Variants in LEPR observed in about 807,000 individuals in gnomAD.
LEPR encodes OB receptor.
In LEPR, 56 loss-of-function variants were observed where a neutral mutation model predicts 114.7. The observed-to-expected ratio is 0.49, with a 90% CI of 0.39 to 0.61. LEPR has a LOEUF of 0.61. LEPR is among the 20% of genes least tolerant of loss of function. The pLI is 0.00. For missense variants in LEPR, 1,202 were observed against 1,352.9 expected, an observed-to-expected ratio of 0.89 and a Z score of 1.75; for synonymous variants, 443 against 461.4, an observed-to-expected ratio of 0.96 and a Z score of 0.51.
intron 2 of LEPR, among the ~76,000 whole-genome samples, chr1:65,453,899 A>G (rs1646826935): frequency 6.6e-6 from 1 of 151,144 alleles, no homozygotes; most frequent in African/African-American, 2.4e-5. Flanking sequence ...GTCTCCCATT[A>G]TTATTGTGTG....
chr1:65,444,142 A>G (rs949268557), intron 2 of LEPR, among the ~76,000 whole-genome samples: 1 of 100,464 alleles, frequency 1.0e-5, no homozygotes, highest in Non-Finnish European at 2.0e-5. Flanking sequence ...AGAGTGTGAT[A>G]TTCCCCTTCC....
intron 2 of LEPR, among the ~76,000 whole-genome samples, chr1:65,554,176 C>T (rs1446501050): frequency 2.0e-5 from 3 of 152,168 alleles, no homozygotes; most frequent in African/African-American, 4.8e-5. Flanking sequence ...AGTCAAGAGG[C>T]AGGGTGGTTA....
At chr1:65,589,910 T>C (rs1167350183) in intron 5 of LEPR, among the ~76,000 whole-genome samples, 1 of 152,082 alleles carries the variant, frequency 6.6e-6, no homozygotes, top group Non-Finnish European at 1.5e-5. Flanking sequence ...CTAGATTCTT[T>C]GCATTTCCAT....
chr1:65,616,908 T>C (rs542624145), intron 15 of LEPR, among the ~76,000 whole-genome samples: 1 of 152,298 alleles, frequency 6.6e-6, no homozygotes, highest in African/African-American at 2.4e-5. Context: ...AATCTTTGCT[T>C]ATTGCTTTAA....
chr1:65,623,108 T>A, intron 19 of LEPR, 127 bp downstream of exon 19: 1 of 909,700 alleles, frequency 1.1e-6, no homozygotes, highest in Non-Finnish European at 1.7e-6. Flanking sequence ...TCTTAATATA[T>A]CTGTTATTAT....
intron 2 of LEPR, among the ~76,000 whole-genome samples, chr1:65,531,946 TA>T (rs796788781): frequency 1.3e-5 from 2 of 152,310 alleles, no homozygotes; most frequent in African/African-American, 4.8e-5. Context: ...TCAACTTTAT[TA>T]GATAATGAAT....
chr1:65,590,135 C>T (rs372246019), intron 5 of LEPR, among the ~76,000 whole-genome samples: 5 of 151,852 alleles, frequency 3.3e-5, no homozygotes, highest in African/African-American at 1.2e-4. Flanking sequence ...AGATCCTAAA[C>T]ATCTTTTGTC....
At chr1:65,425,479 C>G (rs1303132914) in intron 2 of LEPR, 101 bp downstream of exon 2, 52 of 983,672 alleles carry the variant, frequency 5.3e-5, no homozygotes, top group Non-Finnish European at 5.9e-6. Context: ...AAGTTCTAAC[C>G]AGTGAGTTAG....
chr1:65,434,435 C>G, intron 2 of LEPR: 1 of 985,298 alleles, frequency 1.0e-6, no homozygotes, highest in Middle Eastern at 5.2e-4. Flanking sequence ...TGAAGGGATT[C>G]TTTATCATGT....
intron 2 of LEPR, among the ~76,000 whole-genome samples, chr1:65,456,986 A>T (rs1646885058): frequency 6.6e-6 from 1 of 151,814 alleles, no homozygotes; most frequent in South Asian, 2.1e-4. Flanking sequence ...GTATCTGTTT[A>T]TTTAAACATT....
chr1:65,566,202 T>C (rs908990655), intron 3 of LEPR, among the ~76,000 whole-genome samples: 1 of 74,456 alleles, frequency 1.3e-5, no homozygotes, highest in African/African-American at 4.7e-5. Flanking sequence ...AGATTAATTC[T>C]TTTTTTTTTT....
chr1:65,640,252 C>G lies in LEPR; in HGVS notation c.*3237C>G, dbSNP rs1167931933. On this transcript the variant is annotated 3_prime_UTR_variant, in exon 20 of 20. Transcript: ENST00000349533. ...CTCACAGGCGGAGTTGGACAATATG[C>G]TGATGGATCAAGACATACTGCAACC... The G allele has an allele frequency of 6.6e-6, 1 of 152,124 alleles. No homozygotes were observed. The highest frequency in any genetic ancestry group is 1.5e-5 in the Non-Finnish European group (1 of 68,020). 9.4% of individuals were successfully genotyped at this position (152,124 alleles called of 1,614,324 possible). A position where few individuals can be genotyped will look rare whatever the true frequency, so the allele number is the denominator to read the frequency against.
chr1:65,577,965 C>A (rs186274303), intron 5 of LEPR, among the ~76,000 whole-genome samples: 2 of 151,164 alleles, frequency 1.3e-5, no homozygotes, highest in East Asian at 1.9e-4. Flanking sequence ...CTCTAGCCTC[C>A]CACCCCCCTA....
intron 2 of LEPR, among the ~76,000 whole-genome samples, chr1:65,458,281 C>T (rs1646903395): frequency 6.6e-6 from 1 of 152,066 alleles, no homozygotes; most frequent in African/African-American, 2.4e-5. Context: ...TCAAATATTC[C>T]TCCCATCTTC....
At chr1:65,570,897 T>TCC in intron 4 of LEPR, 95 bp downstream of exon 4, 1 of 1,047,124 alleles carries the variant, frequency 9.5e-7, no homozygotes, top group Non-Finnish European at 1.3e-6. Context: ...GATTTTAACA[T>TCC]ACATAATCAT....
chr1:65,441,560 T>C (rs1006323766), intron 2 of LEPR, among the ~76,000 whole-genome samples: 17 of 152,232 alleles, frequency 1.1e-4, no homozygotes, highest in African/African-American at 3.4e-4. Context: ...TTTTTGTTTA[T>C]TTAATCTTAG....
intron 2 of LEPR, among the ~76,000 whole-genome samples, chr1:65,535,312 T>A (rs1165471928): frequency 6.6e-6 from 1 of 150,814 alleles, no homozygotes; most frequent in Admixed American, 6.7e-5. Context: ...AGTGTGGTGA[T>A]ACTATCTAGT....
chr1:65,449,825 T>G (rs188679257), intron 2 of LEPR, among the ~76,000 whole-genome samples: 21 of 152,120 alleles, frequency 1.4e-4, no homozygotes, highest in Admixed American at 1.2e-3. Flanking sequence ...TTTTTTCTAG[T>G]TTTTTAAGGT....
chr1:65,489,448 C>T (rs1460113282), intron 2 of LEPR, among the ~76,000 whole-genome samples: 1 of 151,972 alleles, frequency 6.6e-6, no homozygotes, highest in African/African-American at 2.4e-5. Flanking sequence ...ATGTTTTGCC[C>T]ATTTGTAAAT....
Sources: gnomAD v4.1 joint callset for allele counts (sites outside exome capture counted in the v4.1 genomes callset) on GRCh38, gnomAD v4.1.1 for gene constraint, MANE v1.5 for transcripts, NCBI Gene and HGNC (gene_info 2026-07-23, HGNC 2026-07-21) for gene names.